Variants in CSMD2 observed in about 807,000 individuals in gnomAD.
CSMD2 encodes the protein CUB and Sushi multiple domains 2, also known as CUB and sushi domain-containing protein 2.
A neutral mutation model predicts 398.5 loss-of-function variants in CSMD2; 130 were observed. The ratio of observed to expected loss-of-function variants is 0.33; its 90% CI spans 0.28 to 0.38. The LOEUF is 0.38. Ranked by LOEUF, CSMD2 falls within the 10% of genes least tolerant of loss-of-function variation. CSMD2 has a pLI of 1.00. For missense variants in CSMD2, 3,829 were observed against 4,764.9 expected, an observed-to-expected ratio of 0.80 and a Z score of 5.78; for synonymous variants, 1,828 against 1,908.5, an observed-to-expected ratio of 0.96 and a Z score of 1.10.
At chr1:33,538,339 G>A (rs1655998780) in intron 60 of CSMD2, among the ~76,000 whole-genome samples, 1 of 152,202 alleles carries the variant, frequency 6.6e-6, no homozygotes, top group Admixed American at 6.5e-5. Flanking sequence ...GGTGGGTAGT[G>A]CATGGGTGTA....
At chr1:33,653,353 G>A (rs959585511) in intron 27 of CSMD2, among the ~76,000 whole-genome samples, 6 of 152,134 alleles carry the variant, frequency 3.9e-5, no homozygotes, top group African/African-American at 9.7e-5. Context: ...GTGAGTTCCC[G>A]TGCACTCAAT....
intron 8 of CSMD2, among the ~76,000 whole-genome samples, 196 bp downstream of exon 8, chr1:33,820,273 C>G (rs12066051): frequency 0.14 from 21,153 of 152,090 alleles, 2,606 homozygotes; most frequent in African/African-American, 0.34. Context: ...TCTCTCCCCC[C>G]ACTAAAGCAT....
At chr1:33,724,069 G>A (rs1646444682) in intron 19 of CSMD2, 128 bp downstream of exon 19, 1 of 683,254 alleles carries the variant, frequency 1.5e-6, no homozygotes, top group Non-Finnish European at 2.7e-6. Flanking sequence ...TCTTGTTGGT[G>A]AGAAAAGTTC....
At chr1:33,879,987 C>T (rs935374535) in intron 5 of CSMD2, among the ~76,000 whole-genome samples, 1 of 152,066 alleles carries the variant, frequency 6.6e-6, no homozygotes, top group Non-Finnish European at 1.5e-5. Flanking sequence ...TTAATCTGCA[C>T]AGTAATCTAG....
At chr1:33,991,484 G>C (rs1159852275) in intron 3 of CSMD2, among the ~76,000 whole-genome samples, 2 of 152,178 alleles carry the variant, frequency 1.3e-5, no homozygotes, top group Admixed American at 1.3e-4. Context: ...CATCGAAATT[G>C]AGAAGAGAAA....
At chr1:33,586,999 A>G in intron 45 of CSMD2, 89 bp downstream of exon 45, 1 of 942,498 alleles carries the variant, frequency 1.1e-6, no homozygotes, top group Non-Finnish European at 1.6e-6. Context: ...GCAGGGGATA[A>G]GGTCCACTGG....
intron 25 of CSMD2, among the ~76,000 whole-genome samples, chr1:33,682,415 A>G (rs1027141367): frequency 2.0e-5 from 3 of 152,082 alleles, no homozygotes; most frequent in Admixed American, 6.5e-5. Flanking sequence ...ACCTACTACA[A>G]TGTTTTTGTA....
At chr1:33,567,015 T>C (rs1359189451) in intron 53 of CSMD2, among the ~76,000 whole-genome samples, 1 of 152,062 alleles carries the variant, frequency 6.6e-6, no homozygotes, top group African/African-American at 2.4e-5. Context: ...TGACCAACTA[T>C]TAGGTCACAA....
At chr1:33,577,560 C>T in intron 48 of CSMD2, 76 bp from the exon 49 acceptor site, 1 of 1,220,328 alleles carries the variant, frequency 8.2e-7, no homozygotes, top group Non-Finnish European at 1.1e-6. Flanking sequence ...GGCCCCTTTC[C>T]CTTTCGTCTC....
chr1:33,602,018 G>T (rs1218184419), intron 43 of CSMD2, among the ~76,000 whole-genome samples: 1 of 152,162 alleles, frequency 6.6e-6, no homozygotes, highest in African/African-American at 2.4e-5. Context: ...AGTCTGGGTG[G>T]CTTAGCCCAG....
intron 55 of CSMD2, among the ~76,000 whole-genome samples, chr1:33,553,260 A>G (rs1386736014): frequency 6.6e-6 from 1 of 152,224 alleles, no homozygotes; most frequent in African/African-American, 2.4e-5. Context: ...ATGTCTCTGC[A>G]TCACATTTTG....
chr1:33,529,509 G>A (rs953926029), intron 64 of CSMD2, among the ~76,000 whole-genome samples: 4 of 152,142 alleles, frequency 2.6e-5, no homozygotes, highest in East Asian at 1.9e-4. Flanking sequence ...GATTTTTGAC[G>A]GGAGTGTCAA....
At chr1:33,763,830 T>C (rs1432328942) in intron 13 of CSMD2, among the ~76,000 whole-genome samples, 1 of 152,170 alleles carries the variant, frequency 6.6e-6, no homozygotes, top group African/African-American at 2.4e-5. Flanking sequence ...CAGTAACTGG[T>C]GGGCTTGTGA....
chr1:33,528,602 C>CT (rs1654990893), intron 64 of CSMD2, among the ~76,000 whole-genome samples: 1 of 152,174 alleles, frequency 6.6e-6, no homozygotes, highest in Non-Finnish European at 1.5e-5. Flanking sequence ...GTGCGAGGTG[C>CT]TGTGATAGGC....
intron 12 of CSMD2, among the ~76,000 whole-genome samples, chr1:33,777,060 G>C (rs770456133): frequency 7.9e-5 from 12 of 152,208 alleles, no homozygotes; most frequent in Non-Finnish European, 1.6e-4. Context: ...CAGAGCTGAA[G>C]ACAGCATAAG....
At position 33,724,216 on chromosome 1, in the gene CSMD2, G is replaced by A. The variant is rs748021579; in HGVS notation, c.2982C>T (p.Ile994=). 8.7e-6 allele frequency: 14 copies of A among 1,612,964 alleles called. No homozygotes were observed. Among genetic ancestry groups the A allele is most frequent in the Middle Eastern group, 1.6e-4 (1 of 6,082 alleles). ...ACTCACCCTTGCCATGAGATGTTTC[G>A]ATAATCCAGGTGCAGTTCAAGTTGT... ...YPNNLNCTWI[I]ETSHGKGVFF... The change falls in exon 19 of 71, where the codon ATC becomes ATT. Residue 994 remains isoleucine (I), a synonymous_variant. Transcript: ENST00000373381.
At chr1:33,716,609 G>T in intron 19 of CSMD2, 108 bp from the exon 20 acceptor site, 1 of 750,228 alleles carries the variant, frequency 1.3e-6, no homozygotes, top group Non-Finnish European at 2.3e-6. Context: ...GTCTATCTGT[G>T]TGTATGACTA....
intron 32 of CSMD2, among the ~76,000 whole-genome samples, chr1:33,628,583 C>T (rs1358168654): frequency 6.6e-6 from 1 of 150,626 alleles, no homozygotes; most frequent in Non-Finnish European, 1.5e-5. Context: ...GCAGGAGAAT[C>T]TCTTGAGCCT....
intron 11 of CSMD2, among the ~76,000 whole-genome samples, chr1:33,791,190 G>A (rs1654264700): frequency 2.0e-5 from 3 of 152,264 alleles, no homozygotes; most frequent in Non-Finnish European, 2.9e-5. Flanking sequence ...TTGGGAAGGA[G>A]TGTGGCATGG....
Sources: allele counts gnomAD v4.1 joint callset (sites outside exome capture counted in the v4.1 genomes callset), GRCh38; gene constraint gnomAD v4.1.1; transcripts MANE v1.5; gene names NCBI Gene and HGNC (gene_info 2026-07-23, HGNC 2026-07-21).